Variants in TECTA observed in about 807,000 individuals in gnomAD.
TECTA encodes tectorin alpha.
Under a neutral mutation model 216.8 loss-of-function variants are expected in TECTA, and 128 were observed. The observed-to-expected ratio is 0.59, with a 90% CI of 0.51 to 0.68. TECTA has a LOEUF of 0.68. TECTA is among the 30% of genes least tolerant of loss of function. The pLI, the probability that TECTA is intolerant of heterozygous loss-of-function variation, is 0.00. For missense variants in TECTA, 2,551 were observed against 2,786.2 expected (o/e 0.92, Z 1.90); for synonymous variants, 1,089 against 1,117.1 (o/e 0.97, Z 0.50).
chr11:121,127,723 T>C lies in TECTA; in HGVS notation c.1775-29T>C. On this transcript the variant is annotated intron_variant, in intron 8 of 23. Coordinates refer to ENST00000392793, the MANE Select transcript of TECTA (RefSeq NM_005422.4). The surrounding 1 kb of genome is among the most constrained non-coding windows in gnomAD (Gnocchi z 5.0). ...AGCACTCCGGGTCCATTCACCTTGT[T>C]ATCGGCTCTCTTCCTTTCCCCGCGT... 2 of 1,613,150 alleles carry C rather than the reference T, an allele frequency of 1.2e-6. No homozygotes were observed. Among genetic ancestry groups the C allele is most frequent in the Non-Finnish European group, 8.5e-7 (1 of 1,179,148 alleles).
intron 6 of TECTA, among the ~76,000 whole-genome samples, chr11:121,114,214 G>A (rs1946474582): frequency 6.6e-6 from 1 of 152,104 alleles, no homozygotes; most frequent in Non-Finnish European, 1.5e-5. Context: ...AGAAAAAAAA[G>A]AAACAAAAGT....
At chr11:121,112,621 C>T (rs550426634) in intron 4 of TECTA, among the ~76,000 whole-genome samples, 3 of 152,272 alleles carry the variant, frequency 2.0e-5, no homozygotes, top group South Asian at 2.1e-4. Flanking sequence ...GAGCGCAATC[C>T]GCATGGCCAC....
At chr11:121,108,699 A>G (rs1383228214) in intron 3 of TECTA, among the ~76,000 whole-genome samples, 1 of 144,798 alleles carries the variant, frequency 6.9e-6, no homozygotes, top group Non-Finnish European at 1.5e-5. Context: ...CCTCACCCCA[A>G]TACACACACA....
In TECTA at chr11:121,166,760, A is replaced by C. The variant is rs1410461613; in HGVS notation, c.5566A>C (p.Asn1856His). The change falls in exon 18 of 24, where the codon AAT (asparagine) becomes CAT (histidine). Residue 1856 changes from asparagine (N) to histidine (H), a missense_variant. Asn to His is a moderately conservative substitution (Grantham distance 68). This residue lies in a region of TECTA where 2,375 missense variants were observed against 2,563.9 expected (regional missense o/e 0.93). Transcript: ENST00000392793. The part of the protein sequence containing the change: ...ISFQINNTKG[N>H]CGNIVQSNGT... ...CTTTCAGATCAACAACACCAAAGGG[A>C]ATTGTGGAAACATTGTGCAGGTGAG... The C allele has an allele frequency of 1.9e-6, 3 of 1,614,054 alleles. No homozygotes were observed. The Admixed American group carries it at 5.0e-5, about 27-fold the overall frequency.
chr11:121,172,273 G>A (rs966040705), intron 20 of TECTA, among the ~76,000 whole-genome samples: 4 of 151,874 alleles, frequency 2.6e-5, no homozygotes, highest in Non-Finnish European at 5.9e-5. Flanking sequence ...GTGCCATGCT[G>A]GTGTGCTGCA....
chr11:121,142,111 T>G (rs1275606188), intron 11 of TECTA, among the ~76,000 whole-genome samples: 1 of 152,152 alleles, frequency 6.6e-6, no homozygotes, highest in African/African-American at 2.4e-5. Context: ...AAGTGAGGGA[T>G]GCAAGGAGAC....
intron 14 of TECTA, among the ~76,000 whole-genome samples, chr11:121,158,731 T>C (rs1282742085): frequency 2.0e-5 from 3 of 152,094 alleles, no homozygotes; most frequent in African/African-American, 7.2e-5. Flanking sequence ...CGTGATGACA[T>C]GCTGAGGGGC....
rs199638531 is a variant in TECTA, at chr11:121,146,096, G to A, written c.4085G>A (p.Trp1362Ter). The A allele has an allele frequency of 1.8e-4, 288 of 1,610,180 alleles. No individual in the cohort carries two copies. The highest frequency in any genetic ancestry group is 2.4e-4 in the Non-Finnish European group (284 of 1,180,024). Reference sequence around the variant, plus strand: ...ACTCAGGGGATTACGGTGACTGGCTGGAGGAATTACACGTCCTGCAGTGAG... The same window carrying A: ...ACTCAGGGGATTACGGTGACTGGCTAGAGGAATTACACGTCCTGCAGTGAG... ...CQTQGITVTG[W>*]RNYTSCTVTC... The change falls in exon 12 of 24, where the codon TGG becomes TAG. Residue 1362 changes from tryptophan (W) to a stop codon, truncating the protein, a stop_gained. Coordinates refer to ENST00000392793, the MANE Select transcript of TECTA (RefSeq NM_005422.4). LOFTEE classifies it high-confidence loss of function.
At chr11:121,126,243 A>G (rs969392575) in intron 8 of TECTA, among the ~76,000 whole-genome samples, 1 of 152,178 alleles carries the variant, frequency 6.6e-6, no homozygotes, top group Non-Finnish European at 1.5e-5. Context: ...CATCAAAACT[A>G]GCCCTTGGGA....
intron 12 of TECTA, 67 bp from the exon 13 acceptor site, chr11:121,152,814 G>A: frequency 6.6e-7 from 1 of 1,520,544 alleles, no homozygotes; most frequent in South Asian, 1.2e-5. Flanking sequence ...GGTGAGCAAT[G>A]GCCATGAGAA....
chr11:121,174,831 T>C (rs1435804388), intron 20 of TECTA, among the ~76,000 whole-genome samples: 2 of 152,228 alleles, frequency 1.3e-5, no homozygotes, highest in East Asian at 3.8e-4. Flanking sequence ...TGGACTCTTT[T>C]TGGTTGGTAA....
intron 18 of TECTA, among the ~76,000 whole-genome samples, chr11:121,167,286 T>C (rs1030900493): frequency 6.6e-6 from 1 of 152,056 alleles, no homozygotes; most frequent in Admixed American, 6.6e-5. Context: ...AATCTAAAAA[T>C]TAGCTGGGTG....
At chr11:121,151,705 C>CAT (rs10631241) in intron 12 of TECTA, among the ~76,000 whole-genome samples, 72,038 of 151,902 alleles carry the variant, frequency 0.47, 20,404 homozygotes, top group African/African-American at 0.8. Context: ...TTTTTAAAAA[C>CAT]ATGGTATATT....
At chr11:121,103,999 G>A (rs967799132) in intron 2 of TECTA, among the ~76,000 whole-genome samples, 6 of 152,100 alleles carry the variant, frequency 3.9e-5, no homozygotes, top group Non-Finnish European at 5.9e-5. Context: ...ATGGTTTTCC[G>A]TCTCCTCCAT....
chr11:121,137,128 T>A (rs1341155521), intron 10 of TECTA, among the ~76,000 whole-genome samples: 1 of 152,010 alleles, frequency 6.6e-6, no homozygotes, highest in African/African-American at 2.4e-5. Flanking sequence ...ACATGGATAC[T>A]CACATGCACA....
At chr11:121,188,020 G>T (rs1455429673) in intron 21 of TECTA, 26 bp downstream of exon 21, 1 of 1,613,662 alleles carries the variant, frequency 6.2e-7, no homozygotes, top group Non-Finnish European at 8.5e-7. Flanking sequence ...AAAACAAAGT[G>T]CTTAGCCTTA....
chr11:121,151,896 G>A (rs901167438), intron 12 of TECTA, among the ~76,000 whole-genome samples: 3 of 152,200 alleles, frequency 2.0e-5, no homozygotes, highest in Non-Finnish European at 2.9e-5. Context: ...CGTTGATTGA[G>A]ATAATAGCTT....
At chr11:121,151,998 T>C (rs563719683) in intron 12 of TECTA, among the ~76,000 whole-genome samples, 2 of 152,348 alleles carry the variant, frequency 1.3e-5, no homozygotes, top group African/African-American at 4.8e-5. Context: ...CAGACTCACT[T>C]AATCCTTTGC....
Position 121,132,893 on chromosome 11 carries a change from T to G in TECTA, c.2941+2682T>G, listed in dbSNP as rs555904414. Among the ~76,000 whole-genome samples, 560 of 152,104 alleles carry G rather than the reference T, an allele frequency of 3.7e-3. 4 individuals are homozygous for G. Among genetic ancestry groups the G allele is most frequent in the African/African-American group, 9.2e-3 (382 of 41,500 alleles). On this transcript the variant is annotated intron_variant, in intron 10 of 23. Transcript: ENST00000392793. The stretch of plus-strand genomic sequence containing the variant: ...CCTGCCACTGCACCTGGCTAATTTT[T>G]TTTGTGTGTGTGTGTTTTTAGTAGA...
Sources: allele counts gnomAD v4.1 joint callset (sites outside exome capture counted in the v4.1 genomes callset), GRCh38; gene constraint gnomAD v4.1.1; regional missense constraint gnomAD v4.1.1; non-coding constraint Gnocchi (gnomAD v3.1); transcripts MANE v1.5; gene names NCBI Gene and HGNC (gene_info 2026-07-23, HGNC 2026-07-21).